SEC11C: variants seen among roughly 807,000 people sequenced by gnomAD.
The protein encoded by SEC11C is signal peptidase complex catalytic subunit SEC11C.
In SEC11C, 10 loss-of-function variants were observed where a neutral mutation model predicts 21.9. The ratio of observed to expected loss-of-function variants is 0.46; its 90% CI spans 0.28 to 0.77. The LOEUF (loss-of-function observed/expected upper bound fraction) is 0.77. SEC11C is among the 30% of genes least tolerant of loss of function. SEC11C has a pLI of 0.12. For missense variants in SEC11C, 145 were observed against 244.5 expected, an observed-to-expected ratio of 0.59 and a Z score of 2.71; for synonymous variants, 83 against 85.6, an observed-to-expected ratio of 0.97 and a Z score of 0.17.
chr18:59,155,759 A>C lies in SEC11C; in HGVS notation c.419A>C (p.Glu140Ala), dbSNP rs1378390747. The change falls in exon 4 of 6, where the codon GAA becomes GCA. Residue 140 changes from glutamate to alanine, a missense_variant. By Grantham distance (107) the Glu-to-Ala change is moderately radical. Coordinates refer to ENST00000587834, the MANE Select transcript of SEC11C (RefSeq NM_033280.4). ...NEVDDRGLYK[E>A]GQNWLEKKDV... ...GTTGATGATAGAGGCTTGTACAAAG[A>C]AGGCCAGAACTGGCTGGAAAAGAAG... 4.3e-6 allele frequency: 7 copies of C among 1,614,114 alleles called. No individual in the cohort carries two copies. Among genetic ancestry groups the C allele is most frequent in the Non-Finnish European group, 4.2e-6 (5 of 1,179,976 alleles).
chr18:59,145,966 G>A (rs2069270126), intron 1 of SEC11C, among the ~76,000 whole-genome samples: 1 of 152,218 alleles, frequency 6.6e-6, no homozygotes, highest in Non-Finnish European at 1.5e-5. Flanking sequence ...GTTTGTATAA[G>A]TACACTCTAT....
intron 2 of SEC11C, among the ~76,000 whole-genome samples, chr18:59,152,335 T>C (rs1445117298): frequency 6.6e-6 from 1 of 152,140 alleles, no homozygotes; most frequent in Non-Finnish European, 1.5e-5. Flanking sequence ...GTCCTGTCAG[T>C]GCTCATGACA....
In SEC11C at chr18:59,147,275, TTAA is replaced by T. The variant is rs1461759297; in HGVS notation, c.88-2235_88-2233del. The T allele has an allele frequency of 5.9e-5, 9 of 152,328 alleles. No individual in the cohort carries two copies. In the East Asian group the frequency reaches 1.5e-3, roughly 26 times the overall value. The allele number at this position is 152,328 out of a possible 1,614,324, so 9.4% of individuals were successfully genotyped here. On this transcript the variant is annotated intron_variant, in intron 1 of 5. Transcript: ENST00000587834. ...TTCATACCACCACATTCCATCTCAG[TTAA>T]TATTAAATTTGGATAGTTGAGGAAA... is the stretch of plus-strand genomic sequence containing the variant.
rs1245662008 is a variant in SEC11C at position 59,150,960 on chromosome 18, G to A, written c.197+1338G>A. ...GTAGTGTGAAATTGCTGCACTTAGGGACTTTTTTTTTTTTAAAGCATCCTT... is the reference window on the plus strand; with the variant it reads ...GTAGTGTGAAATTGCTGCACTTAGGAACTTTTTTTTTTTTAAAGCATCCTT... On this transcript the variant is annotated intron_variant, in intron 2 of 5. Coordinates refer to ENST00000587834, the MANE Select transcript of SEC11C (RefSeq NM_033280.4). Among the ~76,000 whole-genome samples the A allele has an allele frequency of 2.0e-5, 3 of 151,192 alleles. No homozygotes were observed. In the South Asian group the frequency reaches 6.3e-4, roughly 32 times the overall value.
intron 1 of SEC11C, among the ~76,000 whole-genome samples, chr18:59,140,777 T>C (rs1488866560): frequency 2.0e-5 from 3 of 152,214 alleles, no homozygotes; most frequent in Admixed American, 1.3e-4. Flanking sequence ...TGCTCTCTTT[T>C]TAGCCACTTA....
At chr18:59,149,383 T>G in intron 1 of SEC11C, 130 bp from the exon 2 acceptor site, 1 of 578,640 alleles carries the variant, frequency 1.7e-6, no homozygotes, top group Non-Finnish European at 3.2e-6. Context: ...TGCAGAATTT[T>G]GTACCTTGTG....
chr18:59,155,922 T>G (rs2069413123), intron 4 of SEC11C, 115 bp downstream of exon 4: 1 of 1,258,872 alleles, frequency 7.9e-7, no homozygotes, highest in Admixed American at 2.3e-5. Flanking sequence ...CAGGAGAGTT[T>G]TAAGCAGTTC....
At chr18:59,153,631 A>C (rs1025282371) in intron 3 of SEC11C, among the ~76,000 whole-genome samples, 1 of 151,850 alleles carries the variant, frequency 6.6e-6, no homozygotes, top group African/African-American at 2.4e-5. Context: ...GCTCACTGCA[A>C]CTTCCGCCTC....
chr18:59,149,612 G>C lies in SEC11C; in HGVS notation c.187G>C (p.Val63Leu). Reference sequence around the variant, plus strand: ...CACAGGCAGTGAGAGCCCCATCGTGGTGGTGCTGAGGTAGGTCCCCCAGGC... The same window carrying C: ...CACAGGCAGTGAGAGCCCCATCGTGCTGGTGCTGAGGTAGGTCCCCCAGGC... ...VLTGSESPIV[V>L]VLSGSMEPAF... The change falls in exon 2 of 6, where the codon GTG (valine) becomes CTG (leucine). Residue 63 changes from valine (V) to leucine (L), a missense_variant. Val to Leu is a conservative substitution (Grantham distance 32). Coordinates refer to ENST00000587834, the MANE Select transcript of SEC11C (RefSeq NM_033280.4). 1 of 1,609,006 alleles carries C rather than the reference G, an allele frequency of 6.2e-7. No individual in the cohort carries two copies. Among genetic ancestry groups the C allele is most frequent in the Non-Finnish European group, 8.5e-7 (1 of 1,175,702 alleles).
chr18:59,155,713 A>C lies in SEC11C; in HGVS notation c.373A>C (p.Thr125Pro). ...EKDNGDIKFL[T>P]KGDNNEVDDR... Reference sequence around the variant, plus strand: ...AGATAATGGAGACATCAAATTTCTGACTAAAGGAGATAATAATGAAGTTGA... The same window carrying C: ...AGATAATGGAGACATCAAATTTCTGCCTAAAGGAGATAATAATGAAGTTGA... The change falls in exon 4 of 6, where the codon ACT becomes CCT. Residue 125 changes from threonine to proline, a missense_variant. Physicochemically the swap from Thr to Pro is conservative, Grantham distance 38. Transcript: ENST00000587834. The C allele has an allele frequency of 4.3e-6, 7 of 1,613,764 alleles. No homozygotes were observed. Among genetic ancestry groups the C allele is most frequent in the Non-Finnish European group, 5.9e-6 (7 of 1,179,774 alleles).
In SEC11C at chr18:59,139,916, C is replaced by G; in HGVS notation, c.-33C>G. 1 of 1,482,260 alleles carries G rather than the reference C, an allele frequency of 6.7e-7. No homozygotes were observed. The highest frequency in any genetic ancestry group is 2.4e-4 in the Middle Eastern group (1 of 4,102). The allele number at this position is 1,482,260 out of a possible 1,614,324, so 91.8% of individuals were successfully genotyped here. On this transcript the variant is annotated 5_prime_UTR_variant, in exon 1 of 6. Transcript: ENST00000587834. ...CCGCAGCCGTCTGTGCCACCCAGAG[C>G]CGGCGGGCCGCTAGGTCCCCGGAGA...
At chr18:59,154,306 G>T (rs541719677) in intron 3 of SEC11C, among the ~76,000 whole-genome samples, 5 of 152,158 alleles carry the variant, frequency 3.3e-5, no homozygotes, top group Non-Finnish European at 5.9e-5. Flanking sequence ...TTTTTATCCC[G>T]ATTTCCTTTA....
At chr18:59,158,180 C>G (rs543641858) in intron 5 of SEC11C, among the ~76,000 whole-genome samples, 20 of 152,238 alleles carry the variant, frequency 1.3e-4, no homozygotes, top group Admixed American at 2.0e-4. Context: ...CTCAGCCTCC[C>G]TAGTGGCTGG....
At chr18:59,153,266 T>C (rs537884155) in intron 3 of SEC11C, 1 of 152,374 alleles carries the variant, frequency 6.6e-6, no homozygotes, top group East Asian at 1.9e-4. Context: ...GACCCTTTTC[T>C]GGAACCGGAA....
At chr18:59,148,645 G>C (rs2069308598) in intron 1 of SEC11C, among the ~76,000 whole-genome samples, 1 of 149,326 alleles carries the variant, frequency 6.7e-6, no homozygotes, top group South Asian at 2.1e-4. Flanking sequence ...ACGGAGTCTC[G>C]CTGTGTCGCC....
intron 2 of SEC11C, among the ~76,000 whole-genome samples, chr18:59,151,389 G>A (rs2069351749): frequency 6.7e-6 from 1 of 150,242 alleles, no homozygotes; most frequent in Admixed American, 6.6e-5. Context: ...ATTTCATATT[G>A]TGGGGAGGAA....
At chr18:59,153,641 C>T (rs576816891) in intron 3 of SEC11C, among the ~76,000 whole-genome samples, 7 of 152,248 alleles carry the variant, frequency 4.6e-5, no homozygotes, top group African/African-American at 9.6e-5. Context: ...ACTTCCGCCT[C>T]CCGGGTTCAA....
intron 1 of SEC11C, 59 bp from the exon 2 acceptor site, chr18:59,149,454 A>T: frequency 8.9e-7 from 1 of 1,122,780 alleles, no homozygotes; most frequent in South Asian, 1.3e-5. Flanking sequence ...CTCCAGCTTC[A>T]CAGGTTGGTG....
intron 1 of SEC11C, among the ~76,000 whole-genome samples, chr18:59,143,454 A>G (rs2069234954): frequency 6.6e-6 from 1 of 152,006 alleles, no homozygotes; most frequent in Non-Finnish European, 1.5e-5. Context: ...AATTATCTTA[A>G]TTCATTTATG....
Sources: gnomAD v4.1 joint callset for allele counts (sites outside exome capture counted in the v4.1 genomes callset) on GRCh38, gnomAD v4.1.1 for gene constraint, MANE v1.5 for transcripts, NCBI Gene and HGNC (gene_info 2026-07-23, HGNC 2026-07-21) for gene names.